SPOCK3: variants seen among roughly 807,000 people sequenced by gnomAD.
SPOCK3 encodes testican-3.
In SPOCK3, 30 loss-of-function variants were observed where a neutral mutation model predicts 56.6. The observed-to-expected ratio is 0.53, with a 90% CI of 0.40 to 0.72. SPOCK3 has a LOEUF of 0.72. Among genes scored for constraint, SPOCK3 ranks in the 30% least tolerant of loss-of-function variants. SPOCK3 has a pLI of 0.00. For synonymous variants in SPOCK3, 196 were observed against 183.3 expected, an observed-to-expected ratio of 1.07 and a Z score of -0.56; for missense variants, 527 against 530.0, an observed-to-expected ratio of 0.99 and a Z score of 0.06.
At chr4:166,953,441 G>A (rs1378173022) in intron 4 of SPOCK3, among the ~76,000 whole-genome samples, 1 of 151,214 alleles carries the variant, frequency 6.6e-6, no homozygotes, top group Non-Finnish European at 1.5e-5. Context: ...AACAACAGGT[G>A]CTGGAGAGGA....
chr4:167,076,235 C>G (rs1055220733), intron 2 of SPOCK3, among the ~76,000 whole-genome samples: 12 of 151,852 alleles, frequency 7.9e-5, no homozygotes, highest in African/African-American at 2.9e-4. Context: ...TGCCATTATA[C>G]TTTTGTCCAA....
intron 6 of SPOCK3, among the ~76,000 whole-genome samples, chr4:166,847,647 T>TTATATACATATATATATA (rs1553986753): frequency 2.5e-4 from 14 of 55,408 alleles, no homozygotes; most frequent in Admixed American, 5.9e-4. Flanking sequence ...AAATCCTAGT[T>TTATATACATATATATATA]TATATATATA....
chr4:166,736,617 ATT>A (rs927652174), intron 10 of SPOCK3, among the ~76,000 whole-genome samples: 45 of 151,958 alleles, frequency 3.0e-4, no homozygotes, highest in African/African-American at 1.1e-3. Context: ...ACATCTAAAT[ATT>A]TTCTAAAATG....
At chr4:166,834,293 C>A (rs542020027) in intron 6 of SPOCK3, among the ~76,000 whole-genome samples, 2 of 152,334 alleles carry the variant, frequency 1.3e-5, no homozygotes, top group East Asian at 3.9e-4. Context: ...TCACCTAAAT[C>A]CCCAGCTTCT....
chr4:167,062,450 G>C, intron 3 of SPOCK3, 42 bp downstream of exon 3: 1 of 1,425,792 alleles, frequency 7.0e-7, no homozygotes. Flanking sequence ...CAATGATTAT[G>C]AACATGTAAA....
intron 4 of SPOCK3, among the ~76,000 whole-genome samples, chr4:166,937,950 T>C (rs1211396971): frequency 2.0e-5 from 3 of 146,400 alleles, no homozygotes; most frequent in African/African-American, 7.6e-5. Flanking sequence ...TTTTTTTTTT[T>C]AATATTTTTA....
rs552167420 is a variant in SPOCK3, at chr4:167,201,496, A to G, written c.189+32489T>C. Among the ~76,000 whole-genome samples, 80 of 152,058 alleles carry G rather than the reference A, an allele frequency of 5.3e-4. 1 individual carries two copies. The highest frequency in any genetic ancestry group is 1.8e-3 in the African/African-American group (73 of 41,550). Reference sequence around the variant, plus strand: ...CACTTCTTAAATTGAAATCCTATTTATTATTATTGGAAATAAATATCTCAA... The same window carrying G: ...CACTTCTTAAATTGAAATCCTATTTGTTATTATTGGAAATAAATATCTCAA... On this transcript the variant is annotated intron_variant, in intron 2 of 10. Transcript: ENST00000357545.
At chr4:167,161,647 G>C (rs367953668) in intron 2 of SPOCK3, among the ~76,000 whole-genome samples, 6 of 152,052 alleles carry the variant, frequency 3.9e-5, no homozygotes, top group East Asian at 1.9e-4. Flanking sequence ...ACCCAAATGT[G>C]CAACAATGAT....
chr4:166,859,782 C>G (rs946422823), intron 6 of SPOCK3, among the ~76,000 whole-genome samples: 2 of 152,032 alleles, frequency 1.3e-5, no homozygotes, highest in African/African-American at 4.8e-5. Context: ...GTTCCTTGTA[C>G]TAAATAGGAC....
chr4:167,135,272 A>G (rs1236830941), intron 2 of SPOCK3, among the ~76,000 whole-genome samples: 3 of 152,154 alleles, frequency 2.0e-5, no homozygotes, highest in African/African-American at 7.2e-5. Context: ...TTAAGCCTTT[A>G]TATCTACTAG....
chr4:166,798,109 T>C (rs932403061), intron 6 of SPOCK3, among the ~76,000 whole-genome samples: 3 of 152,194 alleles, frequency 2.0e-5, no homozygotes, highest in African/African-American at 7.2e-5. Flanking sequence ...ATATATATAA[T>C]TATGTACAGT....
chr4:166,735,126 G>A, intron 10 of SPOCK3, 36 bp from the exon 11 acceptor site: 4 of 1,286,310 alleles, frequency 3.1e-6, no homozygotes, highest in Non-Finnish European at 4.4e-6. Flanking sequence ...ACCTTTATTT[G>A]ACTGAATACT....
intron 5 of SPOCK3, among the ~76,000 whole-genome samples, chr4:166,903,631 C>T (rs746580992): frequency 6.6e-6 from 1 of 151,882 alleles, no homozygotes; most frequent in Non-Finnish European, 1.5e-5. Context: ...TTAATATTTC[C>T]GGATTGTAGT....
chr4:166,819,072 C>T (rs1341911244), intron 6 of SPOCK3, among the ~76,000 whole-genome samples: 1 of 151,958 alleles, frequency 6.6e-6, no homozygotes, highest in Non-Finnish European at 1.5e-5. Flanking sequence ...CTTGCTTACC[C>T]TTGTCATTAT....
In SPOCK3 at chr4:166,813,979, A is replaced by G. The variant is rs113180349; in HGVS notation, c.590-21690T>C. Among the ~76,000 whole-genome samples the G allele has an allele frequency of 4.7e-3, 709 of 152,192 alleles. 10 individuals are homozygous for G. The highest frequency in any genetic ancestry group is 0.016 in the African/African-American group (678 of 41,554). On this transcript the variant is annotated intron_variant, in intron 6 of 10. Transcript: ENST00000357545. Reference sequence around the variant, plus strand: ...AAAAAAACATCAAATTGATGGTAAAACTTGAGTAAAAGAATAGTGAAATTA... The same window carrying G: ...AAAAAAACATCAAATTGATGGTAAAGCTTGAGTAAAAGAATAGTGAAATTA...
chr4:166,971,522 A>G (rs957519414), intron 4 of SPOCK3, among the ~76,000 whole-genome samples: 1 of 151,914 alleles, frequency 6.6e-6, no homozygotes, highest in African/African-American at 2.4e-5. Flanking sequence ...ACAAGAAGAG[A>G]AAGTATTTTT....
At chr4:167,221,542 C>T (rs35380609) in intron 2 of SPOCK3, among the ~76,000 whole-genome samples, 4,814 of 152,108 alleles carry the variant, frequency 0.032, 115 homozygotes, top group Middle Eastern at 0.075. Context: ...GATACTGAGT[C>T]ACTTTATTTG....
chr4:166,740,880 G>A (rs1734775310), intron 9 of SPOCK3, among the ~76,000 whole-genome samples: 1 of 152,054 alleles, frequency 6.6e-6, no homozygotes, highest in Admixed American at 6.6e-5. Context: ...TTGTAACAGG[G>A]TCAAAAGAAA....
chr4:166,754,409 AAATG>A (rs1200366213), intron 8 of SPOCK3, 95 bp downstream of exon 8: 2 of 1,431,376 alleles, frequency 1.4e-6, no homozygotes, highest in East Asian at 5.0e-5. Flanking sequence ...AACATACACA[AAATG>A]AATGAGCATA....
Sources: allele counts gnomAD v4.1 joint callset (sites outside exome capture counted in the v4.1 genomes callset), GRCh38; gene constraint gnomAD v4.1.1; transcripts MANE v1.5; gene names NCBI Gene and HGNC (gene_info 2026-07-23, HGNC 2026-07-21).